GALNT13: variants seen among roughly 807,000 people sequenced by gnomAD.
GALNT13 encodes polypeptide N-acetylgalactosaminyltransferase 13.
A neutral mutation model predicts 64.2 loss-of-function variants in GALNT13; 28 were observed. The ratio of observed to expected loss-of-function variants is 0.44; its 90% CI spans 0.32 to 0.60. The LOEUF is 0.60. Among genes scored for constraint, GALNT13 ranks in the 20% least tolerant of loss-of-function variants. The pLI, the probability that GALNT13 is intolerant of heterozygous loss-of-function variation, is 0.05. For missense variants in GALNT13, 577 were observed against 669.8 expected, an observed-to-expected ratio of 0.86 and a Z score of 1.53; for synonymous variants, 214 against 224.6, an observed-to-expected ratio of 0.95 and a Z score of 0.42.
At chr2:153,335,897 G>A in the GALNT13 span, among the ~76,000 whole-genome samples, 1 of 152,184 alleles carries the variant, frequency 6.6e-6, no homozygotes. Context: ...GGGTCCCTGT[G>A]CTGTATGCAG....
At chr2:153,759,072 A>G in the GALNT13 span, among the ~76,000 whole-genome samples, 3 of 152,304 alleles carry the variant, frequency 2.0e-5, no homozygotes, top group South Asian at 6.2e-4. Flanking sequence ...TGTAAATGAA[A>G]TATATTTCTT....
At chr2:153,346,803 A>T in the GALNT13 span, among the ~76,000 whole-genome samples, 1 of 152,178 alleles carries the variant, frequency 6.6e-6, no homozygotes, top group South Asian at 2.1e-4. Flanking sequence ...TAAACCGTTT[A>T]TATGCATTTT....
chr2:153,302,938 A>T, the GALNT13 span, among the ~76,000 whole-genome samples: 1 of 152,054 alleles, frequency 6.6e-6, no homozygotes. Flanking sequence ...TGTGTTTTTG[A>T]TTACTATAGC....
the GALNT13 span, among the ~76,000 whole-genome samples, chr2:153,533,723 C>CTTTTTTTTTTATTTTTTTTTTT: frequency 2.1e-5 from 1 of 48,732 alleles, no homozygotes; most frequent in Admixed American, 3.0e-4. Flanking sequence ...TGAGGTTTTT[C>CTTTTTTTTTTATTTTTTTTTTT]TTTTTTTTTT....
the GALNT13 span, among the ~76,000 whole-genome samples, chr2:153,426,374 T>C: frequency 6.6e-6 from 1 of 151,946 alleles, no homozygotes; most frequent in South Asian, 2.1e-4. Flanking sequence ...TGCTAAATGA[T>C]TACTACCAAG....
intron 4 of GALNT13, among the ~76,000 whole-genome samples, chr2:154,192,670 T>A (rs1259971592): frequency 1.3e-5 from 2 of 152,238 alleles, no homozygotes; most frequent in African/African-American, 2.4e-5. Context: ...ATGTTTCTGG[T>A]AATTTGTTTG....
At chr2:154,287,906 G>T (rs143873809) in intron 8 of GALNT13, among the ~76,000 whole-genome samples, 2 of 152,036 alleles carry the variant, frequency 1.3e-5, no homozygotes, top group East Asian at 3.9e-4. Context: ...CTGGTCTTGC[G>T]TTGGAGATAT....
At chr2:154,265,015 G>A (rs79070453) in intron 8 of GALNT13, among the ~76,000 whole-genome samples, 4,710 of 151,036 alleles carry the variant, frequency 0.031, 94 homozygotes, top group Middle Eastern at 0.065. Flanking sequence ...ACCAAAATTT[G>A]TTTCCTTGAG....
chr2:153,193,140 A>C, the GALNT13 span, among the ~76,000 whole-genome samples: 2 of 152,066 alleles, frequency 1.3e-5, no homozygotes, highest in African/African-American at 4.8e-5. Flanking sequence ...CTATAAAGAC[A>C]CATGCACACG....
At chr2:153,401,785 C>A in the GALNT13 span, among the ~76,000 whole-genome samples, 4 of 151,342 alleles carry the variant, frequency 2.6e-5, no homozygotes, top group Admixed American at 2.6e-4. Flanking sequence ...CTTGGTAGAT[C>A]TTTCTCCATC....
intron 11 of GALNT13, chr2:154,436,791 T>C (rs907908997): frequency 1.8e-4 from 27 of 152,250 alleles, no homozygotes; most frequent in African/African-American, 5.5e-4. Context: ...ATTGAATATA[T>C]GAAGTCTGTG....
At chr2:153,816,949 T>A in the GALNT13 span, among the ~76,000 whole-genome samples, 16 of 152,306 alleles carry the variant, frequency 1.1e-4, no homozygotes, top group African/African-American at 3.6e-4. Context: ...TCCCTTGGAA[T>A]GGTATTGGGC....
At chr2:154,287,290 A>G (rs1405581281) in intron 8 of GALNT13, 1 of 709,752 alleles carries the variant, frequency 1.4e-6, no homozygotes, top group African/African-American at 1.7e-5. Context: ...TCCCCAACTC[A>G]CTGGCCATGG....
At chr2:154,264,332 C>A (rs1321097101) in intron 8 of GALNT13, among the ~76,000 whole-genome samples, 4 of 151,754 alleles carry the variant, frequency 2.6e-5, no homozygotes, top group African/African-American at 9.7e-5. Flanking sequence ...CTTAAAAACC[C>A]ATGGATAGTC....
chr2:154,295,123 A>G (rs965043299), intron 8 of GALNT13, among the ~76,000 whole-genome samples: 6 of 152,166 alleles, frequency 3.9e-5, no homozygotes, highest in Admixed American at 6.6e-5. Context: ...GTGCTAATCC[A>G]TATTTATAGA....
the GALNT13 span, among the ~76,000 whole-genome samples, chr2:153,274,155 A>G: frequency 6.6e-6 from 1 of 152,158 alleles, no homozygotes; most frequent in Non-Finnish European, 1.5e-5. Context: ...GTGAGCCGAG[A>G]TGGTGCCATT....
At chr2:154,385,232 C>T (rs1017151089) in intron 9 of GALNT13, among the ~76,000 whole-genome samples, 1 of 151,920 alleles carries the variant, frequency 6.6e-6, no homozygotes, top group African/African-American at 2.4e-5. Flanking sequence ...GTCAATTGCA[C>T]ACTGAAATCT....
chr2:154,405,694 A>G (rs899901702), intron 10 of GALNT13, among the ~76,000 whole-genome samples: 1 of 152,076 alleles, frequency 6.6e-6, no homozygotes, highest in East Asian at 1.9e-4. Flanking sequence ...AGCCTGGGCG[A>G]CAGAGTGAGA....
chr2:153,348,837 C>T, the GALNT13 span, among the ~76,000 whole-genome samples: 5 of 152,284 alleles, frequency 3.3e-5, no homozygotes, highest in Admixed American at 1.3e-4. Context: ...CCCCAGCACA[C>T]GGCAGTCTTC....
Sources: gnomAD v4.1 joint callset for allele counts (sites outside exome capture counted in the v4.1 genomes callset) on GRCh38, gnomAD v4.1.1 for gene constraint, MANE v1.5 for transcripts, NCBI Gene and HGNC (gene_info 2026-07-23, HGNC 2026-07-21) for gene names.